APPL2: variants seen among roughly 807,000 people sequenced by gnomAD.
APPL2 encodes DCC-interacting protein 13-beta.
Under a neutral mutation model 92.7 loss-of-function variants are expected in APPL2, and 84 were observed. That is an observed-to-expected ratio of 0.91 (90% confidence interval 0.76 to 1.09). The LOEUF is 1.09. Ranked by LOEUF, APPL2 falls within the 50% of genes least tolerant of loss-of-function variation. APPL2 has a pLI of 0.00. For missense variants in APPL2, 736 were observed against 824.5 expected (o/e 0.89, Z 1.31); for synonymous variants, 291 against 291.0 (o/e 1.00, Z 0.00).
At position 105,203,010 on chromosome 12, in the gene APPL2, TACACACACACACACACACACACAC is replaced by T. The variant is rs3838812; in HGVS notation, c.704+669_704+692del. On this transcript the variant is annotated intron_variant, in intron 9 of 20. Transcript: ENST00000258530. ...ATTTCCATTTTGTCTATTTGTCAAC[TACACACACACACACACACACACAC>T]ACACACACACACACACACACACACA... is the stretch of plus-strand genomic sequence containing the variant. Among the ~76,000 whole-genome samples, 1,202 of 146,090 alleles carry T rather than the reference TACACACACACACACACACACACAC, an allele frequency of 8.2e-3. 5 individuals are homozygous for T. Among genetic ancestry groups the T allele is most frequent in the South Asian group, 0.011 (51 of 4,640 alleles).
At chr12:105,178,301 T>G (rs1885751474) in intron 17 of APPL2, among the ~76,000 whole-genome samples, 1 of 152,172 alleles carries the variant, frequency 6.6e-6, no homozygotes, top group South Asian at 2.1e-4. Context: ...ATATAGTTTG[T>G]GGAAAAAATG....
intron 2 of APPL2, among the ~76,000 whole-genome samples, chr12:105,221,107 T>C (rs886395001): frequency 6.6e-5 from 10 of 152,246 alleles, no homozygotes; most frequent in African/African-American, 2.2e-4. Flanking sequence ...CTTAAGCTAC[T>C]GTACACAAAG....
At chr12:105,229,349 C>G in intron 1 of APPL2, 126 bp from the exon 2 acceptor site, 1 of 947,584 alleles carries the variant, frequency 1.1e-6, no homozygotes, top group South Asian at 1.7e-5. Flanking sequence ...CCTGTTGGTT[C>G]CCTGGCTTCT....
intron 11 of APPL2, among the ~76,000 whole-genome samples, chr12:105,196,895 G>A (rs1305680162): frequency 2.0e-5 from 3 of 152,158 alleles, no homozygotes; most frequent in Non-Finnish European, 2.9e-5. Flanking sequence ...TGAGCATCCA[G>A]GAATCTCCAT....
chr12:105,182,439 G>A (rs1248411221), intron 17 of APPL2, among the ~76,000 whole-genome samples: 2 of 152,188 alleles, frequency 1.3e-5, no homozygotes, highest in African/African-American at 2.4e-5. Context: ...TCCAGAGATT[G>A]TGGTATGTTG....
At chr12:105,179,626 C>T (rs1210758108) in intron 17 of APPL2, among the ~76,000 whole-genome samples, 2 of 152,204 alleles carry the variant, frequency 1.3e-5, no homozygotes, top group African/African-American at 4.8e-5. Flanking sequence ...TATTTCTCCA[C>T]ATCCTCTCCA....
At chr12:105,234,636 A>C (rs927996881) in intron 1 of APPL2, among the ~76,000 whole-genome samples, 2 of 152,240 alleles carry the variant, frequency 1.3e-5, no homozygotes. Context: ...AGTTTCCATA[A>C]GTGCAAGGCA....
chr12:105,216,976 A>T, intron 4 of APPL2, 93 bp downstream of exon 4: 1 of 842,004 alleles, frequency 1.2e-6, no homozygotes, highest in Non-Finnish European at 1.9e-6. Context: ...CAGATATTTA[A>T]GTAGAAATTT....
chr12:105,174,876 T>TGGGGGGGGGGGGGGG (rs59473626), intron 20 of APPL2, among the ~76,000 whole-genome samples: 2 of 89,010 alleles, frequency 2.2e-5, no homozygotes, highest in Non-Finnish European at 4.5e-5. Flanking sequence ...TTTTTTTTGG[T>TGGGGGGGGGGGGGGG]GGGGGGGGGG....
chr12:105,200,602 G>T (rs930910639), intron 9 of APPL2, among the ~76,000 whole-genome samples: 1 of 152,180 alleles, frequency 6.6e-6, no homozygotes, highest in African/African-American at 2.4e-5. Context: ...TGACAGTCTT[G>T]GTTACAAAGT....
chr12:105,187,283 CCTAGTT>C (rs1338494741), intron 17 of APPL2, among the ~76,000 whole-genome samples: 10 of 152,160 alleles, frequency 6.6e-5, no homozygotes, highest in African/African-American at 2.4e-4. Context: ...TTGCTATAGT[CCTAGTT>C]ACCTTTTTTG....
At chr12:105,233,109 C>T in intron 1 of APPL2, 2 of 985,402 alleles carry the variant, frequency 2.0e-6, no homozygotes, top group Non-Finnish European at 2.4e-6. Context: ...AGAATAAGCC[C>T]CTGAAGAAGT....
intron 9 of APPL2, 69 bp from the exon 10 acceptor site, chr12:105,199,600 C>T (rs1887971004): frequency 6.6e-7 from 1 of 1,521,524 alleles, no homozygotes; most frequent in Non-Finnish European, 8.9e-7. Context: ...AAGCCACTGG[C>T]AGCCATCACT....
At chr12:105,195,119 C>G in intron 14 of APPL2, 142 bp downstream of exon 14, 1 of 786,900 alleles carries the variant, frequency 1.3e-6, no homozygotes, top group Non-Finnish European at 2.1e-6. Flanking sequence ...GGTATTTAAC[C>G]TTTCCCAGCC....
At chr12:105,235,070 A>G (rs933114601) in intron 1 of APPL2, among the ~76,000 whole-genome samples, 3 of 152,216 alleles carry the variant, frequency 2.0e-5, no homozygotes, top group African/African-American at 7.2e-5. Context: ...TGAAACGAAA[A>G]TAGGTTAATC....
At chr12:105,224,693 C>G (rs992586125) in intron 2 of APPL2, among the ~76,000 whole-genome samples, 2 of 152,144 alleles carry the variant, frequency 1.3e-5, no homozygotes, top group Admixed American at 1.3e-4. Flanking sequence ...TTTTATGTGC[C>G]TAAGAAAGGC....
chr12:105,176,347 A>G, intron 19 of APPL2: 1 of 539,350 alleles, frequency 1.9e-6, no homozygotes, highest in Admixed American at 4.1e-5. Context: ...CTTAATAGGA[A>G]TTTTTCTTCT....
intron 17 of APPL2, among the ~76,000 whole-genome samples, chr12:105,182,340 T>C (rs1452129963): frequency 6.6e-6 from 1 of 152,270 alleles, no homozygotes; most frequent in Non-Finnish European, 1.5e-5. Context: ...TCTAGTTCTT[T>C]TAATTGTGAT....
chr12:105,181,871 G>A lies in APPL2; in HGVS notation c.1635-4609C>T, dbSNP rs558742454. Among the ~76,000 whole-genome samples, 588 of 152,004 alleles carry A rather than the reference G, an allele frequency of 3.9e-3. 4 individuals are homozygous for A. Among genetic ancestry groups the A allele is most frequent in the African/African-American group, 0.014 (566 of 41,442 alleles). On this transcript the variant is annotated intron_variant, in intron 17 of 20. Transcript: ENST00000258530. ...TCTCTCTTTTCTTCTTTATTAGTCTGGCTAGCAGTCTATCAATTTTGTTAA... is the reference window on the plus strand; with the variant it reads ...TCTCTCTTTTCTTCTTTATTAGTCTAGCTAGCAGTCTATCAATTTTGTTAA...
Sources: gnomAD v4.1 joint callset for allele counts (sites outside exome capture counted in the v4.1 genomes callset) on GRCh38, gnomAD v4.1.1 for gene constraint, MANE v1.5 for transcripts, NCBI Gene and HGNC (gene_info 2026-07-23, HGNC 2026-07-21) for gene names.